DAB2IP: variants seen among roughly 807,000 people sequenced by gnomAD.
The protein encoded by DAB2IP is DAB2 interacting protein, also known as disabled homolog 2-interacting protein.
Under a neutral mutation model 107.2 loss-of-function variants are expected in DAB2IP, and 28 were observed. That is an observed-to-expected ratio of 0.26 (90% CI 0.19 to 0.36). The LOEUF (loss-of-function observed/expected upper bound fraction) is 0.36, where lower values mean the gene tolerates loss of function less well. Among genes scored for constraint, DAB2IP ranks in the 10% least tolerant of loss-of-function variants. The pLI is 1.00. For synonymous variants in DAB2IP, 755 were observed against 706.4 expected (o/e 1.07, Z -1.09); for missense variants, 1,400 against 1,644.7 (o/e 0.85, Z 2.57).
At chr9:121,659,463 GC>G (rs1470747711) in intron 1 of DAB2IP, among the ~76,000 whole-genome samples, 1 of 152,146 alleles carries the variant, frequency 6.6e-6, no homozygotes, top group East Asian at 1.9e-4. Context: ...GTCATTATAG[GC>G]CAGGAGAATT....
At chr9:121,757,882 G>A (rs1038532392) in intron 4 of DAB2IP, among the ~76,000 whole-genome samples, 1 of 152,240 alleles carries the variant, frequency 6.6e-6, no homozygotes, top group African/African-American at 2.4e-5. Context: ...CTCTTGTAGA[G>A]GAATGAGCCT....
In DAB2IP at chr9:121,770,053, A is replaced by G. The variant is rs569484505; in HGVS notation, c.1900-493A>G. 1.1e-4 allele frequency among the ~76,000 whole-genome samples: 16 copies of G among 152,362 alleles called. No homozygotes were observed. In the South Asian group the frequency reaches 3.3e-3, roughly 32 times the overall value. ...GTGCCAGCAAGGTTCAGATGGGTTC[A>G]GGCACTGCCTTCTGCCTGACCAGCA... On this transcript the variant is annotated intron_variant, in intron 10 of 15. Coordinates refer to ENST00000408936, the Ensembl canonical transcript of DAB2IP.
At chr9:121,714,432 G>A (rs949606858) in intron 3 of DAB2IP, among the ~76,000 whole-genome samples, 2 of 152,206 alleles carry the variant, frequency 1.3e-5, no homozygotes, top group African/African-American at 4.8e-5. Flanking sequence ...GCCATGCAAG[G>A]CCGAGTCCTG....
chr9:121,649,115 G>A (rs746384931), upstream of DAB2IP, among the ~76,000 whole-genome samples: 3 of 152,126 alleles, frequency 2.0e-5, no homozygotes, highest in Admixed American at 6.5e-5. Flanking sequence ...CTCAGTACCC[G>A]GAGAGTACCT....
At chr9:121,616,159 TC>T (rs1831268342) in intron 1 of DAB2IP, among the ~76,000 whole-genome samples, 1 of 152,122 alleles carries the variant, frequency 6.6e-6, no homozygotes, top group Non-Finnish European at 1.5e-5. Flanking sequence ...CCCTGGGGAT[TC>T]CTGTGGCCCT....
intron 3 of DAB2IP, among the ~76,000 whole-genome samples, chr9:121,756,075 A>T (rs1833455255): frequency 1.3e-5 from 2 of 152,148 alleles, no homozygotes; most frequent in South Asian, 4.1e-4. Flanking sequence ...AGATGGTCTT[A>T]GCAGGCCCAG....
chr9:121,567,824 C>A (rs1829844200), intron 1 of DAB2IP, among the ~76,000 whole-genome samples: 1 of 152,110 alleles, frequency 6.6e-6, no homozygotes, highest in African/African-American at 2.4e-5. Context: ...CGGAAGGGTT[C>A]CTTCGTGGTG....
In DAB2IP at chr9:121,586,104, T is replaced by C. The variant is rs952597682; in HGVS notation, c.40+18876T>C. 2.4e-4 allele frequency among the ~76,000 whole-genome samples: 36 copies of C among 152,188 alleles called. 1 individual carries two copies. The highest frequency in any genetic ancestry group is 1.3e-4 in the Admixed American group (2 of 15,278). On this transcript the variant is annotated intron_variant, in intron 1 of 16. Coordinates refer to the DAB2IP transcript ENST00000259371. ...AGAAGTAACTTCAGCCTCCTTGAAT[T>C]GAATCTTCTATCCAGAACATGTAAC...
chr9:121,647,544 T>A (rs1035684973), upstream of DAB2IP, among the ~76,000 whole-genome samples: 2 of 152,104 alleles, frequency 1.3e-5, no homozygotes, highest in African/African-American at 2.4e-5. Flanking sequence ...CACTGCTTCT[T>A]TTCCAGCAGG....
At chr9:121,655,456 G>T (rs906016998) in intron 1 of DAB2IP, among the ~76,000 whole-genome samples, 1 of 152,228 alleles carries the variant, frequency 6.6e-6, no homozygotes, top group Admixed American at 6.5e-5. Context: ...CTGGGCTTCA[G>T]CTTGGGTGCA....
At chr9:121,717,259 C>G (rs1830655964) in intron 3 of DAB2IP, among the ~76,000 whole-genome samples, 1 of 152,200 alleles carries the variant, frequency 6.6e-6, no homozygotes, top group African/African-American at 2.4e-5. Context: ...GAGTGGCTTC[C>G]TAAGAGTTGG....
At chr9:121,749,764 T>C (rs1313181182) in intron 3 of DAB2IP, among the ~76,000 whole-genome samples, 2 of 152,206 alleles carry the variant, frequency 1.3e-5, no homozygotes, top group Admixed American at 6.5e-5. Context: ...TGGGCAGATA[T>C]GATTGATCCC....
At position 121,633,195 on chromosome 9, in the gene DAB2IP, C is replaced by T. The variant is rs529099638; in HGVS notation, c.41-45483C>T. 1.6e-4 allele frequency among the ~76,000 whole-genome samples: 25 copies of T among 152,208 alleles called. No homozygotes were observed. The highest frequency in any genetic ancestry group is 3.2e-4 in the Non-Finnish European group (22 of 68,034). On this transcript the variant is annotated intron_variant, in intron 1 of 16. Coordinates refer to the DAB2IP transcript ENST00000259371. This position sits in a 1 kb window ranked among gnomAD's most constrained non-coding sequence, Gnocchi z 5.1. ...ATGAGCACGCTGGGAATAGAGACCT[C>T]ATCGGGAAGGTTTGACATGAACAAT...
At chr9:121,777,957 G>C (rs112714118) in intron 14 of DAB2IP, among the ~76,000 whole-genome samples, 1 of 152,148 alleles carries the variant, frequency 6.6e-6, no homozygotes, top group South Asian at 2.1e-4. Context: ...CTTTTGATTC[G>C]TGTTGGTATG....
intron 1 of DAB2IP, among the ~76,000 whole-genome samples, chr9:121,592,982 G>C (rs1229550345): frequency 6.6e-6 from 1 of 152,176 alleles, no homozygotes; most frequent in Non-Finnish European, 1.5e-5. Context: ...AAGGACAGGA[G>C]GAAAGAGCCC....
intron 1 of DAB2IP, among the ~76,000 whole-genome samples, chr9:121,592,706 A>G (rs755066821): frequency 6.6e-6 from 1 of 152,248 alleles, no homozygotes; most frequent in Non-Finnish European, 1.5e-5. Flanking sequence ...TTGATGGAAG[A>G]ACTCGACAAG....
intron 1 of DAB2IP, among the ~76,000 whole-genome samples, chr9:121,568,773 GA>G (rs1199182200): frequency 1.3e-5 from 2 of 152,186 alleles, no homozygotes; most frequent in Non-Finnish European, 2.9e-5. Flanking sequence ...GAGGGGGTGG[GA>G]AGGACCAGCC....
intron 3 of DAB2IP, among the ~76,000 whole-genome samples, chr9:121,729,571 G>A (rs1264983327): frequency 6.6e-6 from 1 of 152,176 alleles, no homozygotes; most frequent in Non-Finnish European, 1.5e-5. Flanking sequence ...CTATCAAGCG[G>A]GGTAGGCCTG....
At chr9:121,576,555 C>T (rs1031421724) in intron 1 of DAB2IP, among the ~76,000 whole-genome samples, 2 of 152,122 alleles carry the variant, frequency 1.3e-5, no homozygotes, top group Admixed American at 6.6e-5. Flanking sequence ...TCCCACTGCA[C>T]TTTGATGAGT....
Sources: gnomAD v4.1 joint callset for allele counts (sites outside exome capture counted in the v4.1 genomes callset) on GRCh38, gnomAD v4.1.1 for gene constraint, Gnocchi (gnomAD v3.1) non-coding constraint, MANE v1.5 for transcripts, NCBI Gene and HGNC (gene_info 2026-07-23, HGNC 2026-07-21) for gene names.